Variants in RFFL observed in about 807,000 individuals in gnomAD.
The protein encoded by RFFL is ring finger and FYVE like domain containing E3 ubiquitin protein ligase, also known as E3 ubiquitin-protein ligase rififylin.
In RFFL, 16 loss-of-function variants were observed where a neutral mutation model predicts 40.4. The ratio of observed to expected loss-of-function variants is 0.40; its 90% CI spans 0.27 to 0.60. RFFL has a LOEUF of 0.60. Ranked by LOEUF, RFFL falls within the 20% of genes least tolerant of loss-of-function variation. RFFL has a pLI of 0.47. For synonymous variants in RFFL, 154 were observed against 167.9 expected (o/e 0.92, Z 0.64); for missense variants, 367 against 451.7 (o/e 0.81, Z 1.70).
At chr17:35,018,262 T>C (rs1173366420) in intron 3 of RFFL, among the ~76,000 whole-genome samples, 1 of 152,192 alleles carries the variant, frequency 6.6e-6, no homozygotes, top group Non-Finnish European at 1.5e-5. Context: ...TGTCCAGACC[T>C]AGTCAAAGAG....
At position 35,013,685 on chromosome 17, in the gene RFFL, A is replaced by G. The variant is rs371429086; in HGVS notation, c.910+1055T>C. 1.4e-3 allele frequency among the ~76,000 whole-genome samples: 215 copies of G among 152,328 alleles called. 1 individual carries two copies. The highest frequency in any genetic ancestry group is 5.1e-3 in the African/African-American group (212 of 41,574). The stretch of plus-strand genomic sequence containing the variant: ...CCTAACAGAGGTTTGGAGACTATAC[A>G]AATACCTAAGATGAATGGGAATAAT... On this transcript the variant is annotated intron_variant, in intron 6 of 6. Transcript: ENST00000394597.
intron 1 of RFFL, among the ~76,000 whole-genome samples, chr17:35,072,684 C>T (rs1230474738): frequency 6.6e-6 from 1 of 151,660 alleles, no homozygotes; most frequent in Admixed American, 6.6e-5. Context: ...GTGACGGGTA[C>T]ATGGGAACTG....
intron 1 of RFFL, among the ~76,000 whole-genome samples, chr17:35,038,283 T>A (rs2091137894): frequency 2.2e-5 from 2 of 92,514 alleles, no homozygotes; most frequent in South Asian, 6.6e-4. Context: ...AGCAAAACTG[T>A]CTCAAAAAAA....
rs1311076468 is a variant in RFFL at position 35,007,051 on chromosome 17, A to T, written c.*4917T>A. On this transcript the variant is annotated 3_prime_UTR_variant, in exon 7 of 7. Coordinates refer to ENST00000394597, the MANE Select transcript of RFFL (RefSeq NM_001017368.2). The stretch of plus-strand genomic sequence containing the variant: ...TCCTCCTTTGAGTACTGACCTACAT[A>T]GATTTCCATTTCTCTCTTCAGCCTC... 6.6e-6 allele frequency: 1 copy of T among 152,290 alleles called. No individual in the cohort carries two copies. Among genetic ancestry groups the T allele is most frequent in the African/African-American group, 2.4e-5 (1 of 41,444 alleles). The allele number at this position is 152,290 out of a possible 1,614,324, so 9.4% of individuals were successfully genotyped here. A position where few individuals can be genotyped will look rare whatever the true frequency, so the allele number is the denominator to read the frequency against.
At chr17:35,044,543 G>A (rs2091185977) in intron 1 of RFFL, among the ~76,000 whole-genome samples, 1 of 152,202 alleles carries the variant, frequency 6.6e-6, no homozygotes, top group Admixed American at 6.5e-5. Context: ...TTATCTGGGA[G>A]GTGGAGGTTG....
chr17:35,078,262 C>G (rs1327985054), intron 1 of RFFL, among the ~76,000 whole-genome samples: 1 of 152,086 alleles, frequency 6.6e-6, no homozygotes, highest in Non-Finnish European at 1.5e-5. Context: ...AAAAAAAGGT[C>G]ACGATTTGTA....
intron 1 of RFFL, among the ~76,000 whole-genome samples, chr17:35,042,823 C>CAA (rs11296826): frequency 9.8e-4 from 59 of 60,216 alleles, no homozygotes; most frequent in Non-Finnish European, 1.7e-3. Flanking sequence ...GACTCCATCT[C>CAA]AAAAAAAAAA....
chr17:35,062,966 G>A (rs2091301880), intron 1 of RFFL, among the ~76,000 whole-genome samples: 1 of 152,148 alleles, frequency 6.6e-6, no homozygotes, highest in African/African-American at 2.4e-5. Context: ...TTATTAGGAA[G>A]GCAACCAAAT....
chr17:35,057,016 A>C (rs1467554690), intron 1 of RFFL, among the ~76,000 whole-genome samples: 1 of 151,140 alleles, frequency 6.6e-6, no homozygotes. Flanking sequence ...CCCGGGTTCC[A>C]ACAATTCTCC....
intron 1 of RFFL, among the ~76,000 whole-genome samples, chr17:35,049,856 C>T (rs2091221476): frequency 6.6e-6 from 1 of 151,930 alleles, no homozygotes; most frequent in African/African-American, 2.4e-5. Flanking sequence ...CCGAGGTGGA[C>T]TGATCACCTG....
chr17:35,025,454 T>C (rs902546021), intron 2 of RFFL: 1 of 152,274 alleles, frequency 6.6e-6, no homozygotes, highest in African/African-American at 2.4e-5. Context: ...GTTTCTCATA[T>C]GTAAAATGGG....
At chr17:35,061,627 T>C (rs2091291582) in intron 1 of RFFL, among the ~76,000 whole-genome samples, 1 of 131,748 alleles carries the variant, frequency 7.6e-6, no homozygotes, top group Non-Finnish European at 1.6e-5. Flanking sequence ...GTGGCGTGCC[T>C]TTTTTTTTTT....
At chr17:35,039,464 C>G (rs1398904022) in intron 1 of RFFL, among the ~76,000 whole-genome samples, 1 of 152,160 alleles carries the variant, frequency 6.6e-6, no homozygotes, top group Non-Finnish European at 1.5e-5. Flanking sequence ...ATGATCCGCC[C>G]ACCTCGGCCT....
chr17:35,032,703 C>T (rs1191641120), intron 1 of RFFL, among the ~76,000 whole-genome samples: 1 of 151,820 alleles, frequency 6.6e-6, no homozygotes, highest in African/African-American at 2.4e-5. Context: ...CAGAGTGGGG[C>T]CGGAGGCTGA....
At chr17:35,022,640 G>T (rs2091016641) in intron 2 of RFFL, among the ~76,000 whole-genome samples, 1 of 152,118 alleles carries the variant, frequency 6.6e-6, no homozygotes, top group Non-Finnish European at 1.5e-5. Flanking sequence ...AGGCCATACT[G>T]CATAGCTCAG....
intron 1 of RFFL, among the ~76,000 whole-genome samples, chr17:35,034,036 G>A (rs1335466915): frequency 2.0e-5 from 3 of 151,728 alleles, no homozygotes; most frequent in Non-Finnish European, 4.4e-5. Flanking sequence ...CCAGCTACCC[G>A]GGAGGCTGAG....
At chr17:35,064,595 A>G (rs2091311199), upstream of RFFL, among the ~76,000 whole-genome samples, 1 of 151,922 alleles carries the variant, frequency 6.6e-6, no homozygotes, top group African/African-American at 2.4e-5. Flanking sequence ...GTGTGCTTTA[A>G]TTTGACAAGA....
At chr17:35,033,871 A>C (rs1359087965) in intron 1 of RFFL, among the ~76,000 whole-genome samples, 1 of 151,718 alleles carries the variant, frequency 6.6e-6, no homozygotes, top group African/African-American at 2.4e-5. Flanking sequence ...GGCCAGGCAC[A>C]GTGGCTCAAG....
At position 35,011,103 on chromosome 17, in the gene RFFL, A is replaced by G. The variant is rs2090935220; in HGVS notation, c.*865T>C. The G allele has an allele frequency of 6.6e-6, 1 of 152,240 alleles. No homozygotes were observed. Among genetic ancestry groups the G allele is most frequent in the Non-Finnish European group, 1.5e-5 (1 of 68,036 alleles). The allele number at this position is 152,240 out of a possible 1,614,324, so 9.4% of individuals were successfully genotyped here. On this transcript the variant is annotated 3_prime_UTR_variant, in exon 7 of 7. Transcript: ENST00000394597. ...TAGTTGGGAAAAGGATCAGAAGCCA[A>G]GCCAAAATTAAGGAGAAGGCCACTG...
Sources: gnomAD v4.1 joint callset for allele counts (sites outside exome capture counted in the v4.1 genomes callset) on GRCh38, gnomAD v4.1.1 for gene constraint, MANE v1.5 for transcripts, NCBI Gene and HGNC (gene_info 2026-07-23, HGNC 2026-07-21) for gene names.